The following OTUD6B variants were observed in gnomAD, a reference collection of about 807,000 sequenced individuals.
OTUD6B encodes the protein deubiquitinase OTUD6B.
Under a neutral mutation model 36.9 loss-of-function variants are expected in OTUD6B, and 41 were observed. The observed-to-expected ratio is 1.11, with a 90% CI of 0.87 to 1.44. The LOEUF (loss-of-function observed/expected upper bound fraction) is 1.44, where lower values mean the gene tolerates loss of function less well. Among genes scored for constraint, OTUD6B ranks in the 40% most tolerant of loss-of-function variants. The pLI is 0.00. For synonymous variants in OTUD6B, 114 were observed against 114.2 expected (o/e 1.00, Z 0.01); for missense variants, 356 against 344.8 (o/e 1.03, Z -0.26).
At chr8:91,077,305 A>T (rs1276463047) in intron 3 of OTUD6B, among the ~76,000 whole-genome samples, 5 of 151,934 alleles carry the variant, frequency 3.3e-5, no homozygotes, top group Non-Finnish European at 7.4e-5. Context: ...AGAAAAAAGC[A>T]CTATAAATAC....
At chr8:91,084,135 A>G (rs1812962555) in intron 6 of OTUD6B, 21 bp downstream of exon 6, 1 of 1,312,808 alleles carries the variant, frequency 7.6e-7, no homozygotes, top group African/African-American at 1.5e-5. Context: ...AGACATTTTT[A>G]CTGTTTTATT....
chr8:91,078,094 C>A, intron 3 of OTUD6B: 1 of 216,532 alleles, frequency 4.6e-6, no homozygotes, highest in Non-Finnish European at 7.9e-6. Context: ...TGGCATGTAG[C>A]CTTTAAGTAG....
Position 91,078,347 on chromosome 8 carries a change from T to C in OTUD6B, c.316-9T>C. On this transcript the variant is annotated splice_polypyrimidine_tract_variant and intron_variant, in intron 3 of 6. Transcript: ENST00000404789. ...ATGAATTAACTTTCATGCATTCTGC[T>C]TTTCTTAGGAAAAGAAAGCTGCATT... The C allele has an allele frequency of 6.5e-7, 1 of 1,548,800 alleles. No individual in the cohort carries two copies. Among genetic ancestry groups the C allele is most frequent in the Non-Finnish European group, 8.7e-7 (1 of 1,148,490 alleles).
chr8:91,081,967 G>T (rs1182179514), intron 5 of OTUD6B, among the ~76,000 whole-genome samples: 1 of 152,056 alleles, frequency 6.6e-6, no homozygotes, highest in African/African-American at 2.4e-5. Flanking sequence ...ATTAAATCAA[G>T]AAATTAAGAA....
chr8:91,077,370 TATTA>T (rs1466175040), intron 3 of OTUD6B, among the ~76,000 whole-genome samples: 1 of 152,064 alleles, frequency 6.6e-6, no homozygotes, highest in Non-Finnish European at 1.5e-5. Context: ...ACCTACTGTA[TATTA>T]ATTATATGCC....
At chr8:91,079,588 C>A (rs1812861948) in intron 4 of OTUD6B, among the ~76,000 whole-genome samples, 1 of 152,146 alleles carries the variant, frequency 6.6e-6, no homozygotes, top group Admixed American at 6.5e-5. Flanking sequence ...GTTAACTTAT[C>A]TCTTGCTGTT....
intron 1 of OTUD6B, among the ~76,000 whole-genome samples, chr8:91,070,810 TGTATTTTGAATG>T (rs1463958818): frequency 1.6e-4 from 24 of 152,124 alleles, no homozygotes; most frequent in African/African-American, 5.8e-4. Context: ...CCCTAATGGG[TGTATTTTGAATG>T]GACCCGCCTC....
rs1292469005 is a variant in OTUD6B, at chr8:91,086,846, A to T, written c.*1978A>T. ...ACAGATGTTAATTTAAAAGCAGCAT[A>T]TGCTAATTTACTTTTTCATATGATG... On this transcript the variant is annotated 3_prime_UTR_variant, in exon 7 of 7. Coordinates refer to ENST00000404789, the MANE Select transcript of OTUD6B (RefSeq NM_016023.5). 1 of 152,098 alleles carries T rather than the reference A, an allele frequency of 6.6e-6. No individual in the cohort carries two copies. The highest frequency in any genetic ancestry group is 1.9e-4 in the East Asian group (1 of 5,192). The allele number at this position is 152,098 out of a possible 1,614,324, so 9.4% of individuals were successfully genotyped here.
chr8:91,078,239 C>A, intron 3 of OTUD6B, 117 bp from the exon 4 acceptor site: 1 of 1,440,186 alleles, frequency 6.9e-7, no homozygotes, highest in Admixed American at 2.9e-5. Context: ...AGTGTTTGTG[C>A]GAGAAGGGAG....
At chr8:91,080,519 AG>A in intron 4 of OTUD6B, 149 bp from the exon 5 acceptor site, 1 of 1,403,430 alleles carries the variant, frequency 7.1e-7, no homozygotes, top group Non-Finnish European at 9.3e-7. Flanking sequence ...TGGACCTGGG[AG>A]TTAGATTAGA....
At chr8:91,075,877 G>T (rs1281298352) in intron 3 of OTUD6B, among the ~76,000 whole-genome samples, 1 of 152,064 alleles carries the variant, frequency 6.6e-6, no homozygotes, top group Admixed American at 6.6e-5. Context: ...GAAGAAAAAC[G>T]TGATAAAACT....
chr8:91,083,525 T>G (rs1812947932), intron 5 of OTUD6B, among the ~76,000 whole-genome samples: 1 of 152,174 alleles, frequency 6.6e-6, no homozygotes, highest in Non-Finnish European at 1.5e-5. Flanking sequence ...TCTGAAAATT[T>G]GAAATTCGAA....
At position 91,070,924 on chromosome 8, in the gene OTUD6B, C is replaced by T. The variant is rs1001180079; in HGVS notation, c.83-214C>T. ...CTCTTATCTCGCCAAACAACCGAAA[C>T]ATATTCAAGATTTTGTTAATGAAGT... On this transcript the variant is annotated intron_variant, in intron 1 of 6. Coordinates refer to ENST00000404789, the MANE Select transcript of OTUD6B (RefSeq NM_016023.5). 14 of 478,920 alleles carry T rather than the reference C, an allele frequency of 2.9e-5. No individual in the cohort carries two copies. The African/African-American group carries it at 3.0e-4, about 10-fold the overall frequency. 29.7% of individuals were successfully genotyped at this position (478,920 alleles called of 1,614,324 possible).
At position 91,080,447 on chromosome 8, in the gene OTUD6B, G is replaced by A. The variant is rs764396256; in HGVS notation, c.629-222G>A. The A allele has an allele frequency of 2.6e-4, 124 of 473,798 alleles. No individual in the cohort carries two copies. In the Middle Eastern group the frequency reaches 5.5e-3, roughly 21 times the overall value. 29.3% of individuals were successfully genotyped at this position (473,798 alleles called of 1,614,324 possible). A position where few individuals can be genotyped will look rare whatever the true frequency, so the allele number is the denominator to read the frequency against. On this transcript the variant is annotated intron_variant, in intron 4 of 6. Transcript: ENST00000404789. ...CTGGGCCTCCAACAGAAGAAGAAAA[G>A]CAGAAATGGACTGCTTTGTTCTTGG...
intron 5 of OTUD6B, among the ~76,000 whole-genome samples, chr8:91,081,548 A>G (rs1463298879): frequency 6.6e-6 from 1 of 151,066 alleles, no homozygotes; most frequent in African/African-American, 2.4e-5. Context: ...TTTCTTGATT[A>G]CTATATGGCC....
chr8:91,078,131 C>A, intron 3 of OTUD6B: 1 of 446,396 alleles, frequency 2.2e-6, no homozygotes, highest in Non-Finnish European at 3.0e-6. Flanking sequence ...AGAGGGCTTT[C>A]TTAATGTCCA....
At chr8:91,082,254 A>G (rs1294964028) in intron 5 of OTUD6B, among the ~76,000 whole-genome samples, 2 of 152,170 alleles carry the variant, frequency 1.3e-5, no homozygotes, top group South Asian at 2.1e-4. Flanking sequence ...AGTGCTTTCC[A>G]TATTTTTGAA....
At chr8:91,076,503 A>G in intron 3 of OTUD6B, 1 of 1,513,316 alleles carries the variant, frequency 6.6e-7, no homozygotes, top group Non-Finnish European at 8.8e-7. Context: ...ACAGTTTTGC[A>G]GATAAGATAA....
chr8:91,076,689 C>A, intron 3 of OTUD6B: 1 of 1,352,196 alleles, frequency 7.4e-7, no homozygotes, highest in Non-Finnish European at 1.0e-6. Context: ...GCTGTTTCCT[C>A]AGAAGAGGAA....
Sources: gnomAD v4.1 joint callset for allele counts (sites outside exome capture counted in the v4.1 genomes callset) on GRCh38, gnomAD v4.1.1 for gene constraint, MANE v1.5 for transcripts, NCBI Gene and HGNC (gene_info 2026-07-23, HGNC 2026-07-21) for gene names.